Variants in HYDIN observed in about 807,000 individuals in gnomAD.
The protein encoded by HYDIN is HYDIN axonemal central pair apparatus protein.
HYDIN carries 132 observed loss-of-function variants against 403.9 expected under a neutral mutation model. The observed-to-expected ratio is 0.33, with a 90% CI of 0.28 to 0.38. The LOEUF is 0.38. HYDIN is among the 10% of genes least tolerant of loss of function. The probability of loss-of-function intolerance (pLI) is 1.00; values close to 1 mark genes in which losing one functional copy is unlikely to be tolerated. For missense variants in HYDIN, 2,827 were observed against 5,009.5 expected (o/e 0.56, Z 13.15); for synonymous variants, 1,202 against 1,891.7 (o/e 0.64, Z 9.46).
intron 45 of HYDIN, among the ~76,000 whole-genome samples, chr16:70,934,420 C>G (rs1387249184): frequency 6.6e-6 from 1 of 151,926 alleles, no homozygotes; most frequent in Non-Finnish European, 1.5e-5. Context: ...GAGAGGAAAA[C>G]AGGTGTGCTG....
chr16:71,027,014 G>T, intron 20 of HYDIN: 4 of 482,414 alleles, frequency 8.3e-6, no homozygotes, highest in Non-Finnish European at 1.1e-5. Flanking sequence ...CTCTGTGAGA[G>T]AATAGGGATA....
chr16:71,092,641 C>T (rs1294083868), intron 11 of HYDIN, among the ~76,000 whole-genome samples: 2 of 149,716 alleles, frequency 1.3e-5, no homozygotes, highest in South Asian at 2.1e-4. Flanking sequence ...AGTGCAGTGG[C>T]GCGATCTTGG....
intron 1 of HYDIN, among the ~76,000 whole-genome samples, chr16:71,211,656 A>AG (rs1485934065): frequency 6.6e-6 from 1 of 151,822 alleles, no homozygotes; most frequent in Admixed American, 6.6e-5. Flanking sequence ...AAAAAAAAAA[A>AG]AAAATCTCCC....
At chr16:70,861,492 T>A (rs1281240240) in intron 69 of HYDIN, among the ~76,000 whole-genome samples, 1 of 151,534 alleles carries the variant, frequency 6.6e-6, no homozygotes, top group Non-Finnish European at 1.5e-5. Context: ...CATTGTCAGA[T>A]GTCATTGGGT....
At chr16:71,042,617 CT>C (rs1394972963) in intron 18 of HYDIN, among the ~76,000 whole-genome samples, 1 of 152,122 alleles carries the variant, frequency 6.6e-6, no homozygotes, top group African/African-American at 2.4e-5. Context: ...CGACGTTTCC[CT>C]TCTTATACAA....
At chr16:70,971,963 A>ATT in intron 35 of HYDIN, among the ~76,000 whole-genome samples, 1 of 152,326 alleles carries the variant, frequency 6.6e-6, no homozygotes, top group Non-Finnish European at 1.5e-5. Context: ...GTATACAGCT[A>ATT]ATAAATTTCT....
chr16:71,194,149 G>A (rs1016563482), intron 1 of HYDIN, among the ~76,000 whole-genome samples: 10 of 152,156 alleles, frequency 6.6e-5, no homozygotes, highest in Admixed American at 1.3e-4. Context: ...GCAGTGGCTC[G>A]CGCCTGTAAT....
At chr16:71,209,385 G>A (rs1269041955) in intron 1 of HYDIN, among the ~76,000 whole-genome samples, 3 of 151,664 alleles carry the variant, frequency 2.0e-5, no homozygotes, top group African/African-American at 7.3e-5. Context: ...GGCATTGAAG[G>A]AACATACCTC....
rs3114633 is a variant in HYDIN, at chr16:71,136,460, G to T, written c.1043+691C>A. Reference sequence around the variant, plus strand: ...TCCAAAATAGATTATTTTTAGGAACGCTTTATAAAAGCTGATCAACCTGGC... The same window carrying T: ...TCCAAAATAGATTATTTTTAGGAACTCTTTATAAAAGCTGATCAACCTGGC... On this transcript the variant is annotated intron_variant, in intron 8 of 85. Coordinates refer to ENST00000393567, the MANE Select transcript of HYDIN (RefSeq NM_001270974.2). Among the ~76,000 whole-genome samples the T allele has an allele frequency of 4.6e-5, 7 of 152,004 alleles. No individual in the cohort carries two copies. The East Asian group carries it at 1.4e-3, about 30-fold the overall frequency.
intron 42 of HYDIN, 112 bp downstream of exon 42, chr16:70,943,700 C>T: frequency 7.0e-7 from 1 of 1,420,476 alleles, no homozygotes. Flanking sequence ...CGACTGCCTT[C>T]CGGGCTGCCG....
chr16:70,993,410 C>T (rs1348131311), intron 23 of HYDIN, among the ~76,000 whole-genome samples: 1 of 151,702 alleles, frequency 6.6e-6, no homozygotes, highest in East Asian at 1.9e-4. Flanking sequence ...ATTAATTTGC[C>T]CACACTTTCA....
chr16:71,023,835 G>A (rs564865916), intron 21 of HYDIN, among the ~76,000 whole-genome samples: 1 of 150,320 alleles, frequency 6.7e-6, no homozygotes, highest in African/African-American at 2.5e-5. Context: ...AACAAAATAT[G>A]ATGGAATCCA....
chr16:70,955,763 C>T (rs2078215263), intron 39 of HYDIN, among the ~76,000 whole-genome samples: 1 of 152,200 alleles, frequency 6.6e-6, no homozygotes. Context: ...CTGATGCGTG[C>T]ATGCTGTGGC....
rs538308277 is a variant in HYDIN at position 70,908,880 on chromosome 16, T to A, written c.8005-19A>T. 6.1e-5 allele frequency: 99 copies of A among 1,609,972 alleles called. 1 individual carries two copies. In the East Asian group the frequency reaches 1.6e-3, roughly 27 times the overall value. ...CTTGAGCCTTAATTAAAAACGAGCA[T>A]GAGGTCTTAAATATTCACTTTTTGT... On this transcript the variant is annotated intron_variant, in intron 47 of 85. Coordinates refer to ENST00000393567, the MANE Select transcript of HYDIN (RefSeq NM_001270974.2).
intron 29 of HYDIN, among the ~76,000 whole-genome samples, chr16:70,981,171 T>C (rs1404062018): frequency 6.6e-6 from 1 of 152,154 alleles, no homozygotes; most frequent in Non-Finnish European, 1.5e-5. Context: ...AGTAATTCAA[T>C]AATGGCCAAA....
chr16:70,888,036 T>C (rs1264916142), intron 58 of HYDIN, among the ~76,000 whole-genome samples: 1 of 152,218 alleles, frequency 6.6e-6, no homozygotes, highest in Non-Finnish European at 1.5e-5. Context: ...GCCCATCCAT[T>C]GAGTTCTAAA....
chr16:70,897,245 T>A (rs1279595747), intron 53 of HYDIN, among the ~76,000 whole-genome samples: 2 of 152,010 alleles, frequency 1.3e-5, no homozygotes, highest in Non-Finnish European at 2.9e-5. Context: ...AAAGGGTCCA[T>A]CTGTCCAGGA....
intron 3 of HYDIN, among the ~76,000 whole-genome samples, chr16:71,182,365 G>T (rs539772710): frequency 1.3e-5 from 2 of 152,142 alleles, no homozygotes; most frequent in Non-Finnish European, 2.9e-5. Flanking sequence ...ATGGAAGCAG[G>T]GAGGCAATTT....
At chr16:70,999,529 A>G (rs886672531) in intron 23 of HYDIN, among the ~76,000 whole-genome samples, 2 of 151,872 alleles carry the variant, frequency 1.3e-5, no homozygotes, top group African/African-American at 4.8e-5. Flanking sequence ...ACTGAGGCTC[A>G]GAGGACAGGT....
Sources: gnomAD v4.1 joint callset for allele counts (sites outside exome capture counted in the v4.1 genomes callset) on GRCh38, gnomAD v4.1.1 for gene constraint, MANE v1.5 for transcripts, NCBI Gene and HGNC (gene_info 2026-07-23, HGNC 2026-07-21) for gene names.